The following TRIO variants were observed in gnomAD, a reference collection of about 807,000 sequenced individuals.
The protein encoded by TRIO is trio Rho guanine nucleotide exchange factor.
In TRIO, 58 loss-of-function variants were observed where a neutral mutation model predicts 351.9. The ratio of observed to expected loss-of-function variants is 0.16; its 90% CI spans 0.13 to 0.21. The LOEUF (loss-of-function observed/expected upper bound fraction) is 0.21. Ranked by LOEUF, TRIO falls within the 10% of genes least tolerant of loss-of-function variation. TRIO has a pLI of 1.00. For synonymous variants in TRIO, 1,758 were observed against 1,595.7 expected (o/e 1.10, Z -2.42); for missense variants, 3,201 against 4,027.8 (o/e 0.79, Z 5.56).
In TRIO at chr5:14,487,972, G is replaced by C; in HGVS notation, c.7344G>C (p.Lys2448Asn). Reference sequence around the variant, plus strand: ...GCCTGGGCACCCTGCCGCTTGGGAAGCCCCGGGCCGGGGCCGCTTCGCCGC... The same window carrying C: ...GCCTGGGCACCCTGCCGCTTGGGAACCCCCGGGCCGGGGCCGCTTCGCCGC... ...RASLGTLPLG[K>N]PRAGAASPLN... is the part of the protein sequence containing the mutation. Residue 2448 changes from lysine to asparagine, a missense_variant, in exon 48 of 57, where the codon AAG becomes AAC. Physicochemically the swap from Lys to Asn is moderately conservative, Grantham distance 94. Transcript: ENST00000344204. The C allele has an allele frequency of 6.4e-7, 1 of 1,552,972 alleles. No individual in the cohort carries two copies. Among genetic ancestry groups the C allele is most frequent in the Admixed American group, 1.9e-5 (1 of 51,972 alleles).
intron 1 of TRIO, among the ~76,000 whole-genome samples, chr5:14,185,701 G>C (rs1790065030): frequency 6.6e-6 from 1 of 152,228 alleles, no homozygotes; most frequent in Non-Finnish European, 1.5e-5. Flanking sequence ...GAACGTGGTG[G>C]GTGAGTGACA....
intron 49 of TRIO, among the ~76,000 whole-genome samples, chr5:14,495,739 C>A (rs930697157): frequency 1.2e-4 from 17 of 147,086 alleles, no homozygotes; most frequent in African/African-American, 4.3e-4. Context: ...GAGGCCAAGA[C>A]GGGTGGATCA....
chr5:14,483,786 G>A (rs1026508800), intron 46 of TRIO, among the ~76,000 whole-genome samples: 8 of 152,158 alleles, frequency 5.3e-5, no homozygotes, highest in Admixed American at 1.3e-4. Context: ...TCCGCCTTTT[G>A]AGGCCCCTCA....
intron 31 of TRIO, among the ~76,000 whole-genome samples, chr5:14,403,590 T>G (rs1278289230): frequency 8.5e-6 from 1 of 117,008 alleles, no homozygotes; most frequent in Non-Finnish European, 1.8e-5. Flanking sequence ...TAGGTTGTGG[T>G]GGTGAGGGTG....
intron 1 of TRIO, among the ~76,000 whole-genome samples, chr5:14,234,125 G>A (rs917242754): frequency 2.0e-5 from 3 of 152,148 alleles, no homozygotes; most frequent in Non-Finnish European, 2.9e-5. Flanking sequence ...TACCAGAGAC[G>A]TCTAAAATAT....
rs569408825 is a variant in TRIO at position 14,275,892 on chromosome 5, ATATG to A, written c.233-4428_233-4425del. ...TATATATATATATATATGTTTATAT[ATATG>A]TGTTTATATATATGTCTATATGTAT... On this transcript the variant is annotated intron_variant, in intron 2 of 56. Transcript: ENST00000344204. Among the ~76,000 whole-genome samples, 940 of 147,322 alleles carry A rather than the reference ATATG, an allele frequency of 6.4e-3. 12 individuals are homozygous for A. Among genetic ancestry groups the A allele is most frequent in the African/African-American group, 0.023 (912 of 40,426 alleles).
In TRIO at chr5:14,508,343, G is replaced by A. The variant is rs202157396; in HGVS notation, c.9215G>A (p.Arg3072Gln). Residue 3072 changes from arginine to glutamine, a missense_variant, in exon 57 of 57, where the codon CGG (arginine) becomes CAG (glutamine). Coordinates refer to ENST00000344204, the MANE Select transcript of TRIO (RefSeq NM_007118.4). ...DTSRLTSFIE[R>Q]RKHQNDVRPI... is the part of the protein sequence containing the mutation. ...TCCAGACTGACTTCCTTCATTGAGC[G>A]GCGCAAACACCAGAATGATGTTCGA... The A allele has an allele frequency of 9.3e-6, 15 of 1,614,002 alleles. No individual in the cohort carries two copies. The highest frequency in any genetic ancestry group is 1.3e-5 in the African/African-American group (1 of 75,054).
intron 25 of TRIO, among the ~76,000 whole-genome samples, chr5:14,389,722 C>CCCTTGGGCT (rs1746879634): frequency 6.6e-6 from 1 of 152,098 alleles, no homozygotes; most frequent in South Asian, 2.1e-4. Context: ...CAGTGGAGCC[C>CCCTTGGGCT]CCTTGGGACT....
chr5:14,487,236 C>T (rs1579800369), intron 47 of TRIO, among the ~76,000 whole-genome samples: 2 of 152,120 alleles, frequency 1.3e-5, no homozygotes, highest in Non-Finnish European at 2.9e-5. Context: ...GCCCTTAGTC[C>T]GGGATGTGCT....
At position 14,182,741 on chromosome 5, in the gene TRIO, T is replaced by G. The variant is rs570307651; in HGVS notation, c.157+38859T>G. On this transcript the variant is annotated intron_variant, in intron 1 of 56. Transcript: ENST00000344204. Reference sequence around the variant, plus strand: ...ATTCACTAGCCTTTAAGAATTCCCTTAATTTCTCCTGACAGGTGAAGTGCT... The same window carrying G: ...ATTCACTAGCCTTTAAGAATTCCCTGAATTTCTCCTGACAGGTGAAGTGCT... Among the ~76,000 whole-genome samples the G allele has an allele frequency of 4.6e-5, 7 of 152,316 alleles. No individual in the cohort carries two copies. The South Asian group carries it at 1.4e-3, about 32-fold the overall frequency.
chr5:14,410,335 T>C (rs1420469604), intron 33 of TRIO, among the ~76,000 whole-genome samples: 1 of 152,144 alleles, frequency 6.6e-6, no homozygotes, highest in Admixed American at 6.5e-5. Context: ...TCCTTATGCC[T>C]CTCCAGTAGA....
chr5:14,451,225 G>C (rs1752827156), intron 34 of TRIO, among the ~76,000 whole-genome samples: 1 of 152,070 alleles, frequency 6.6e-6, no homozygotes, highest in Non-Finnish European at 1.5e-5. Context: ...ATGCAGAGAA[G>C]ATGCAGTCCC....
At chr5:14,334,777 C>T (rs984111336) in intron 10 of TRIO, among the ~76,000 whole-genome samples, 2 of 152,212 alleles carry the variant, frequency 1.3e-5, no homozygotes, top group Non-Finnish European at 2.9e-5. Context: ...AAGCCTTCTT[C>T]CCTGGAAGGA....
intron 1 of TRIO, among the ~76,000 whole-genome samples, chr5:14,145,756 A>C (rs1353971179): frequency 6.6e-6 from 1 of 152,154 alleles, no homozygotes; most frequent in African/African-American, 2.4e-5. Flanking sequence ...TACAAAAATC[A>C]CTTCTGCTGC....
chr5:14,453,614 G>A (rs1753009225), intron 34 of TRIO, among the ~76,000 whole-genome samples: 1 of 152,194 alleles, frequency 6.6e-6, no homozygotes, highest in Non-Finnish European at 1.5e-5. Context: ...CCTGTGAGAT[G>A]TGGAAACTCA....
At chr5:14,475,793 T>A (rs1448959633) in intron 40 of TRIO, among the ~76,000 whole-genome samples, 1 of 152,196 alleles carries the variant, frequency 6.6e-6, no homozygotes, top group Non-Finnish European at 1.5e-5. Flanking sequence ...GTTTCTGGGA[T>A]GACCAGACAG....
intron 34 of TRIO, among the ~76,000 whole-genome samples, chr5:14,433,237 T>C (rs184958074): frequency 6.6e-6 from 1 of 152,364 alleles, no homozygotes; most frequent in East Asian, 1.9e-4. Context: ...TATCGAATTC[T>C]TGGCACCCAC....
chr5:14,367,094 C>G (rs557214046), intron 16 of TRIO, 115 bp downstream of exon 16: 4 of 1,445,098 alleles, frequency 2.8e-6, no homozygotes, highest in South Asian at 1.4e-5. Context: ...TTGGTAAAGA[C>G]GACTCAGAGG....
At chr5:14,445,477 G>A (rs895456345) in intron 34 of TRIO, among the ~76,000 whole-genome samples, 3 of 152,132 alleles carry the variant, frequency 2.0e-5, no homozygotes, top group East Asian at 1.9e-4. Flanking sequence ...GTAAAATGAT[G>A]CTTCTTTTGT....
Sources: gnomAD v4.1 joint callset for allele counts (sites outside exome capture counted in the v4.1 genomes callset) on GRCh38, gnomAD v4.1.1 for gene constraint, MANE v1.5 for transcripts, NCBI Gene and HGNC (gene_info 2026-07-23, HGNC 2026-07-21) for gene names.